Variants in CNTN5 observed in about 807,000 individuals in gnomAD.
The protein encoded by CNTN5 is contactin-5.
A neutral mutation model predicts 129.1 loss-of-function variants in CNTN5; 77 were observed. The observed-to-expected ratio is 0.60, with a 90% confidence interval of 0.50 to 0.72. The LOEUF (loss-of-function observed/expected upper bound fraction) is 0.72. CNTN5 is among the 30% of genes least tolerant of loss of function. The pLI, the probability that CNTN5 is intolerant of heterozygous loss-of-function variation, is 0.00. For missense variants in CNTN5, 1,478 were observed against 1,328.8 expected (o/e 1.11, Z -1.75); for synonymous variants, 509 against 465.6 (o/e 1.09, Z -1.20).
At chr11:100,178,615 C>A (rs1948039889) in intron 13 of CNTN5, among the ~76,000 whole-genome samples, 1 of 152,206 alleles carries the variant, frequency 6.6e-6, no homozygotes. Context: ...TAATGCTATT[C>A]ACCAGACAGT....
intron 13 of CNTN5, among the ~76,000 whole-genome samples, chr11:100,117,554 A>G (rs532418541): frequency 6.6e-6 from 1 of 152,036 alleles, no homozygotes; most frequent in African/African-American, 2.4e-5. Flanking sequence ...ATGCTCAACA[A>G]TGTTAATCCA....
chr11:99,036,552 T>A (rs994335142), intron 1 of CNTN5, among the ~76,000 whole-genome samples: 1 of 152,186 alleles, frequency 6.6e-6, no homozygotes, highest in Admixed American at 6.6e-5. Flanking sequence ...AAATATGAAA[T>A]TAAAATTCTT....
At chr11:99,031,512 A>G (rs1232755334) in intron 1 of CNTN5, among the ~76,000 whole-genome samples, 3 of 151,980 alleles carry the variant, frequency 2.0e-5, no homozygotes, top group African/African-American at 7.2e-5. Flanking sequence ...GAACTATTGG[A>G]TAGAGAGGAA....
rs562443641 is a variant in CNTN5, at chr11:99,932,441, C to T, written c.673+16292C>T. Among the ~76,000 whole-genome samples, 3 of 152,220 alleles carry T rather than the reference C, an allele frequency of 2.0e-5. No individual in the cohort carries two copies. The South Asian group carries it at 6.2e-4, about 32-fold the overall frequency. On this transcript the variant is annotated intron_variant, in intron 7 of 24. Coordinates refer to ENST00000524871, the MANE Select transcript of CNTN5 (RefSeq NM_014361.4). ...CTCCTGACCTCAGGTGATCGACCCA[C>T]CTCAGCCTCCCAAAGTGCTGGGATT...
At chr11:100,116,387 G>A (rs1439982351) in intron 13 of CNTN5, among the ~76,000 whole-genome samples, 3 of 151,874 alleles carry the variant, frequency 2.0e-5, no homozygotes, top group African/African-American at 7.3e-5. Context: ...ACAACCTGTA[G>A]AGCATGGAAA....
At position 99,817,586 on chromosome 11, in the gene CNTN5, G is replaced by A. The variant is rs192529908; in HGVS notation, c.56-1958G>A. Among the ~76,000 whole-genome samples the A allele has an allele frequency of 4.5e-3, 614 of 136,740 alleles. 1 individual carries two copies. Among genetic ancestry groups the A allele is most frequent in the Non-Finnish European group, 6.8e-3 (444 of 64,896 alleles). 89.7% of individuals were successfully genotyped at this position (136,740 alleles called of 152,430 possible). ...TACTTCACTGTAATTGTTAATACTAGTCTGGGATAGTTTTTTTTTTTTTTT... is the reference window on the plus strand; with the variant it reads ...TACTTCACTGTAATTGTTAATACTAATCTGGGATAGTTTTTTTTTTTTTTT... On this transcript the variant is annotated intron_variant, in intron 3 of 24. Coordinates refer to ENST00000524871, the MANE Select transcript of CNTN5 (RefSeq NM_014361.4).
chr11:99,776,940 T>G (rs1195201271), intron 3 of CNTN5, among the ~76,000 whole-genome samples: 1 of 151,950 alleles, frequency 6.6e-6, no homozygotes, highest in African/African-American at 2.4e-5. Context: ...AAGCAAACTT[T>G]CTGCTTTCTC....
At chr11:99,317,280 C>G (rs1345763370) in intron 1 of CNTN5, among the ~76,000 whole-genome samples, 1 of 152,104 alleles carries the variant, frequency 6.6e-6, no homozygotes, top group Non-Finnish European at 1.5e-5. Context: ...TTACTTGCTG[C>G]AGACAGCCCT....
chr11:100,235,388 C>T (rs1483865139), intron 16 of CNTN5, among the ~76,000 whole-genome samples: 1 of 152,138 alleles, frequency 6.6e-6, no homozygotes, highest in Non-Finnish European at 1.5e-5. Flanking sequence ...TTGGAAGGCT[C>T]TGCATAGCTT....
At chr11:99,517,163 G>A (rs543925855) in intron 2 of CNTN5, among the ~76,000 whole-genome samples, 179 of 152,208 alleles carry the variant, frequency 1.2e-3, no homozygotes, top group Middle Eastern at 6.8e-3. Context: ...GGGAGGTTAA[G>A]TATCAAGTCA....
intron 21 of CNTN5, among the ~76,000 whole-genome samples, chr11:100,334,835 C>T (rs1038566796): frequency 6.6e-6 from 1 of 152,024 alleles, no homozygotes; most frequent in Non-Finnish European, 1.5e-5. Context: ...GTATACACTG[C>T]TTGGGTGATA....
chr11:99,478,343 C>A (rs1945461549), intron 2 of CNTN5, among the ~76,000 whole-genome samples: 1 of 152,114 alleles, frequency 6.6e-6, no homozygotes, highest in Non-Finnish European at 1.5e-5. Flanking sequence ...GCTGGGGGCC[C>A]ACCCTCAGTT....
At chr11:99,557,347 G>A (rs923949) in intron 3 of CNTN5, among the ~76,000 whole-genome samples, 34,732 of 150,750 alleles carry the variant, frequency 0.23, 5,215 homozygotes, top group Non-Finnish European at 0.34. Context: ...TAAAGATATA[G>A]AACATGCATA....
intron 8 of CNTN5, among the ~76,000 whole-genome samples, chr11:99,975,300 T>G (rs1591510945): frequency 6.6e-6 from 1 of 152,208 alleles, no homozygotes; most frequent in East Asian, 1.9e-4. Flanking sequence ...TACGTTTTAA[T>G]GACTGCCTGG....
intron 16 of CNTN5, among the ~76,000 whole-genome samples, chr11:100,246,308 C>A (rs1236977967): frequency 2.0e-5 from 3 of 152,120 alleles, no homozygotes; most frequent in Admixed American, 2.0e-4. Flanking sequence ...TGCAAGGAAA[C>A]TGAGACTTAA....
chr11:100,338,456 T>C (rs759868015), intron 21 of CNTN5, among the ~76,000 whole-genome samples: 9 of 152,090 alleles, frequency 5.9e-5, no homozygotes. Context: ...GACTCCACAG[T>C]ACACAAAACA....
chr11:99,490,812 C>T (rs949795891), intron 2 of CNTN5, among the ~76,000 whole-genome samples: 1 of 152,062 alleles, frequency 6.6e-6, no homozygotes, highest in Non-Finnish European at 1.5e-5. Context: ...AAGTTTTGCT[C>T]CACTGGGTGT....
At chr11:99,510,236 C>A (rs886833087) in intron 2 of CNTN5, among the ~76,000 whole-genome samples, 1 of 151,892 alleles carries the variant, frequency 6.6e-6, no homozygotes, top group African/African-American at 2.4e-5. Flanking sequence ...TTCTTACAAC[C>A]AAGTAAATGA....
intron 2 of CNTN5, among the ~76,000 whole-genome samples, chr11:99,520,832 G>A (rs922002959): frequency 6.6e-6 from 1 of 152,016 alleles, no homozygotes; most frequent in African/African-American, 2.4e-5. Context: ...ACAATGGCTT[G>A]GGTAGCTCAA....
Sources: allele counts gnomAD v4.1 joint callset (sites outside exome capture counted in the v4.1 genomes callset), GRCh38; gene constraint gnomAD v4.1.1; transcripts MANE v1.5; gene names NCBI Gene and HGNC (gene_info 2026-07-23, HGNC 2026-07-21).